Variants in RHOQ observed in about 807,000 individuals in gnomAD.
The protein encoded by RHOQ is ras homolog family member Q.
In RHOQ, 7 loss-of-function variants were observed where a neutral mutation model predicts 25.8. That is an observed-to-expected ratio of 0.27 (90% confidence interval 0.15 to 0.51). The LOEUF (loss-of-function observed/expected upper bound fraction) is 0.51. Ranked by LOEUF, RHOQ falls within the 20% of genes least tolerant of loss-of-function variation. RHOQ has a pLI of 0.97. For synonymous variants in RHOQ, 97 were observed against 98.6 expected, an observed-to-expected ratio of 0.98 and a Z score of 0.10; for missense variants, 165 against 260.6, an observed-to-expected ratio of 0.63 and a Z score of 2.53.
chr2:46,555,444 A>G lies in RHOQ; in HGVS notation c.201+11632A>G, dbSNP rs935959735. Among the ~76,000 whole-genome samples the G allele has an allele frequency of 6.6e-6, 1 of 152,154 alleles. No individual in the cohort carries two copies. The highest frequency in any genetic ancestry group is 1.5e-5 in the Non-Finnish European group (1 of 68,026). ...AAATTTAGGGGAGTCTGGTGGTAAGATTATTATGGAAAGAACCTTTCCCAT... is the reference window on the plus strand; with the variant it reads ...AAATTTAGGGGAGTCTGGTGGTAAGGTTATTATGGAAAGAACCTTTCCCAT... On this transcript the variant is annotated intron_variant, in intron 2 of 4. Coordinates refer to ENST00000238738, the MANE Select transcript of RHOQ (RefSeq NM_012249.4). This position sits in a 1 kb window ranked among gnomAD's most constrained non-coding sequence, Gnocchi z 4.3.
chr2:46,547,369 ATTG>A (rs992041435), intron 2 of RHOQ, among the ~76,000 whole-genome samples: 5 of 152,214 alleles, frequency 3.3e-5, no homozygotes, highest in African/African-American at 1.2e-4. Flanking sequence ...TCAAAGGGTG[ATTG>A]TTGTAGATGA....
chr2:46,551,995 T>C (rs1668256803), intron 2 of RHOQ, among the ~76,000 whole-genome samples: 1 of 152,230 alleles, frequency 6.6e-6, no homozygotes. Context: ...TGTCGGACTT[T>C]AAGCCCTGGG....
chr2:46,561,140 GTA>G (rs934122787), intron 2 of RHOQ, among the ~76,000 whole-genome samples: 20 of 150,658 alleles, frequency 1.3e-4, no homozygotes, highest in South Asian at 8.3e-4. Context: ...GTGTGTGTGT[GTA>G]TATATATATA....
Position 46,583,562 on chromosome 2 carries a change from T to C in RHOQ, c.*2479T>C, listed in dbSNP as rs1669475028. 6.6e-6 allele frequency among the ~76,000 whole-genome samples: 1 copy of C among 152,172 alleles called. No individual in the cohort carries two copies. The highest frequency in any genetic ancestry group is 6.5e-5 in the Admixed American group (1 of 15,278). On this transcript the variant is annotated 3_prime_UTR_variant, in exon 5 of 5. Coordinates refer to ENST00000238738, the MANE Select transcript of RHOQ (RefSeq NM_012249.4). ...TCCCCATTGCTTATCAAGAGCTTTT[T>C]AATTGCTTTGGTTCTTTAGTTTTTC...
rs755333304 is a variant in RHOQ, at chr2:46,578,569, C to CAAAAAAAAAAAAAAAAA, written c.462+1934_462+1950dup. 6.2e-4 allele frequency among the ~76,000 whole-genome samples: 15 copies of CAAAAAAAAAAAAAAAAA among 24,068 alleles called. 5 individuals carry two copies. The highest frequency in any genetic ancestry group is 9.9e-4 in the Non-Finnish European group (13 of 13,132). The allele number at this position is 24,068 out of a possible 152,430, so 15.8% of individuals were successfully genotyped here. A position where few individuals can be genotyped will look rare whatever the true frequency, so the allele number is the denominator to read the frequency against. ...CAACATGGTGAAACCCCATCTCTAC[C>CAAAAAAAAAAAAAAAAA]AAAAAAAAAAAAAAAAAAAAAAAAA... On this transcript the variant is annotated intron_variant, in intron 4 of 4. Transcript: ENST00000238738.
intron 2 of RHOQ, chr2:46,568,370 C>T (rs1668802373): frequency 6.6e-6 from 1 of 152,120 alleles, no homozygotes; most frequent in Admixed American, 6.5e-5. Context: ...ATATAGCAAG[C>T]TTTTAGGGTA....
intron 2 of RHOQ, among the ~76,000 whole-genome samples, chr2:46,559,478 G>A (rs1407205147): frequency 3.3e-5 from 5 of 152,162 alleles, no homozygotes; most frequent in African/African-American, 7.2e-5. Flanking sequence ...GGCAGGGCTG[G>A]TTGACTCTGA....
chr2:46,546,474 G>GTA (rs1467866624), intron 2 of RHOQ, among the ~76,000 whole-genome samples: 178 of 16,922 alleles, frequency 0.011, 3 homozygotes, highest in South Asian at 0.043. Flanking sequence ...ATATATATAT[G>GTA]TGTATATATA....
intron 2 of RHOQ, among the ~76,000 whole-genome samples, chr2:46,559,918 C>G (rs1668521164): frequency 6.6e-6 from 1 of 152,170 alleles, no homozygotes; most frequent in South Asian, 2.1e-4. Flanking sequence ...TTCTTTGTAC[C>G]GTGGCCTTGT....
chr2:46,561,048 T>C (rs1346053034), intron 2 of RHOQ, among the ~76,000 whole-genome samples: 1 of 150,676 alleles, frequency 6.6e-6, no homozygotes, highest in African/African-American at 2.5e-5. Flanking sequence ...ACACAAAACC[T>C]GTATATAGAC....
intron 2 of RHOQ, among the ~76,000 whole-genome samples, chr2:46,549,915 A>C (rs1450054785): frequency 6.6e-6 from 1 of 152,190 alleles, no homozygotes; most frequent in Non-Finnish European, 1.5e-5. Context: ...GTAGGCATGC[A>C]ACAAATACAT....
rs139106328 is a variant in RHOQ, at chr2:46,556,148, G to A, written c.201+12336G>A. Among the ~76,000 whole-genome samples, 455 of 152,084 alleles carry A rather than the reference G, an allele frequency of 3.0e-3. 2 individuals are homozygous for A. Among genetic ancestry groups the A allele is most frequent in the Non-Finnish European group, 5.0e-3 (342 of 68,006 alleles). On this transcript the variant is annotated intron_variant, in intron 2 of 4. Coordinates refer to ENST00000238738, the MANE Select transcript of RHOQ (RefSeq NM_012249.4). The surrounding 1 kb of genome is among the most constrained non-coding windows in gnomAD (Gnocchi z 4.9). Reference sequence around the variant, plus strand: ...CCTATTCTGGACATTTCATATTAATGGAATCCTGCAATGTTTGCCCTTTGT... The same window carrying A: ...CCTATTCTGGACATTTCATATTAATAGAATCCTGCAATGTTTGCCCTTTGT...
intron 2 of RHOQ, among the ~76,000 whole-genome samples, chr2:46,549,336 G>A (rs764922533): frequency 1.3e-5 from 2 of 152,174 alleles, no homozygotes; most frequent in Non-Finnish European, 2.9e-5. Flanking sequence ...TAAGCCCCTC[G>A]GGGTCAGAGG....
chr2:46,565,613 G>C (rs1338615015), intron 2 of RHOQ, among the ~76,000 whole-genome samples: 1 of 152,220 alleles, frequency 6.6e-6, no homozygotes, highest in Non-Finnish European at 1.5e-5. Context: ...TGTTACTGGA[G>C]AGAATTCAGG....
chr2:46,558,281 C>T (rs558338236), intron 2 of RHOQ, among the ~76,000 whole-genome samples: 1 of 152,286 alleles, frequency 6.6e-6, no homozygotes, highest in African/African-American at 2.4e-5. Context: ...TTTCCAGGAT[C>T]TCAGGTCTTA....
chr2:46,578,273 A>G (rs1352887337), intron 4 of RHOQ, among the ~76,000 whole-genome samples: 1 of 152,178 alleles, frequency 6.6e-6, no homozygotes, highest in Non-Finnish European at 1.5e-5. Flanking sequence ...GAATCAAAGC[A>G]GTCTTGACAG....
At chr2:46,551,237 G>A (rs916278778) in intron 2 of RHOQ, among the ~76,000 whole-genome samples, 1 of 152,224 alleles carries the variant, frequency 6.6e-6, no homozygotes, top group African/African-American at 2.4e-5. Flanking sequence ...CAGGGCAGCT[G>A]GGTAGGGCCT....
At chr2:46,563,957 G>A (rs1223963275) in intron 2 of RHOQ, among the ~76,000 whole-genome samples, 1 of 151,834 alleles carries the variant, frequency 6.6e-6, no homozygotes, top group Admixed American at 6.6e-5. Flanking sequence ...GCCCCTGTGT[G>A]TATTTTTTTT....
intron 2 of RHOQ, among the ~76,000 whole-genome samples, chr2:46,561,494 T>C (rs1275570156): frequency 6.6e-6 from 1 of 152,022 alleles, no homozygotes; most frequent in African/African-American, 2.4e-5. Context: ...GGAAGAGGAG[T>C]TTGATGACTG....
Sources: allele counts gnomAD v4.1 joint callset (sites outside exome capture counted in the v4.1 genomes callset), GRCh38; gene constraint gnomAD v4.1.1; non-coding constraint Gnocchi (gnomAD v3.1); transcripts MANE v1.5; gene names NCBI Gene and HGNC (gene_info 2026-07-23, HGNC 2026-07-21).